The following PDE6C variants were observed in gnomAD, a reference collection of about 807,000 sequenced individuals.
PDE6C encodes cone cGMP-specific 3',5'-cyclic phosphodiesterase subunit alpha'.
A neutral mutation model predicts 113.1 loss-of-function variants in PDE6C; 75 were observed. That is an observed-to-expected ratio of 0.66 (90% CI 0.55 to 0.80). The LOEUF is 0.80. PDE6C is among the 30% of genes least tolerant of loss of function. PDE6C has a pLI of 0.00. For missense variants in PDE6C, 912 were observed against 1,038.6 expected, an observed-to-expected ratio of 0.88 and a Z score of 1.67; for synonymous variants, 375 against 363.7, an observed-to-expected ratio of 1.03 and a Z score of -0.35.
chr10:93,630,427 T>C (rs2058495669), intron 8 of PDE6C, among the ~76,000 whole-genome samples: 1 of 144,702 alleles, frequency 6.9e-6, no homozygotes, highest in Admixed American at 6.9e-5. Flanking sequence ...GCCACTCCCT[T>C]CTCTACCTGC....
At position 93,612,872 on chromosome 10, in the gene PDE6C, C is replaced by T; in HGVS notation, c.147C>T (p.Ser49=). ...AGGTGCCAGTCCAGTCCAGCATGTCCTTCTCTGAGCTGACCCAGGTGGAGG... is the reference window on the plus strand; with the variant it reads ...AGGTGCCAGTCCAGTCCAGCATGTCTTTCTCTGAGCTGACCCAGGTGGAGG... ...NSQVPVQSSM[S]FSELTQVEES... is the part of the protein sequence containing the mutation. Residue 49 remains serine, a synonymous_variant, in exon 1 of 22, where the codon TCC becomes TCT. Transcript: ENST00000371447. 2 of 1,614,124 alleles carry T rather than the reference C, an allele frequency of 1.2e-6. No homozygotes were observed. The highest frequency in any genetic ancestry group is 1.7e-6 in the Non-Finnish European group (2 of 1,180,040).
intron 8 of PDE6C, among the ~76,000 whole-genome samples, chr10:93,632,911 G>A (rs1193723344): frequency 6.6e-6 from 1 of 152,178 alleles, no homozygotes; most frequent in Admixed American, 6.5e-5. Flanking sequence ...TTAAATTGTG[G>A]TTCAGGCTAT....
intron 3 of PDE6C, among the ~76,000 whole-genome samples, chr10:93,621,491 G>C (rs1312424853): frequency 6.6e-6 from 1 of 152,220 alleles, no homozygotes; most frequent in African/African-American, 2.4e-5. Flanking sequence ...TAGAGGTTGA[G>C]AGGGAGGTCC....
At chr10:93,624,767 C>T (rs1309317117) in intron 4 of PDE6C, among the ~76,000 whole-genome samples, 1 of 152,162 alleles carries the variant, frequency 6.6e-6, no homozygotes, top group Non-Finnish European at 1.5e-5. Context: ...CAAGGTAGGG[C>T]AGCGCTAGTA....
chr10:93,622,550 TCAGA>T (rs2058451696), intron 4 of PDE6C, among the ~76,000 whole-genome samples: 1 of 151,940 alleles, frequency 6.6e-6, no homozygotes, highest in Non-Finnish European at 1.5e-5. Context: ...TACTACAGTA[TCAGA>T]CAGACTACTT....
At chr10:93,616,271 C>T (rs919999415) in intron 1 of PDE6C, among the ~76,000 whole-genome samples, 1 of 152,132 alleles carries the variant, frequency 6.6e-6, no homozygotes, top group African/African-American at 2.4e-5. Context: ...CTCTGGCTAG[C>T]AGTGTGGGCG....
rs969892464 is a variant in PDE6C, at chr10:93,625,505, A to G, written c.865-70A>G. ...ATTAACATAAAATATACAAACACAT[A>G]AAATTCATATAAGATATGGTAGGTC... On this transcript the variant is annotated intron_variant, in intron 4 of 21. Coordinates refer to ENST00000371447, the MANE Select transcript of PDE6C (RefSeq NM_006204.4). 2.9e-6 allele frequency: 3 copies of G among 1,044,612 alleles called. No individual in the cohort carries two copies. The African/African-American group carries it at 4.7e-5, about 16-fold the overall frequency. The allele number at this position is 1,044,612 out of a possible 1,614,324, so 64.7% of individuals were successfully genotyped here. A position where few individuals can be genotyped will look rare whatever the true frequency, so the allele number is the denominator to read the frequency against.
chr10:93,644,798 T>C (rs1222163910), intron 14 of PDE6C, among the ~76,000 whole-genome samples: 1 of 132,280 alleles, frequency 7.6e-6, no homozygotes, highest in Non-Finnish European at 1.7e-5. Flanking sequence ...ATATATATAG[T>C]ATATATATAG....
At chr10:93,617,837 G>C (rs1022652251) in intron 1 of PDE6C, among the ~76,000 whole-genome samples, 1 of 152,148 alleles carries the variant, frequency 6.6e-6, no homozygotes, top group African/African-American at 2.4e-5. Context: ...CTGGTATTTC[G>C]ATGATTCCTT....
intron 4 of PDE6C, 31 bp downstream of exon 4, chr10:93,622,103 C>T (rs2058449581): frequency 6.2e-7 from 1 of 1,604,354 alleles, no homozygotes; most frequent in Non-Finnish European, 8.5e-7. Flanking sequence ...TTTGTCTCAT[C>T]TCACATCGCC....
intron 8 of PDE6C, among the ~76,000 whole-genome samples, chr10:93,634,171 C>A (rs583830): frequency 6.6e-6 from 1 of 151,724 alleles, no homozygotes; most frequent in African/African-American, 2.4e-5. Flanking sequence ...TACAGGTGCC[C>A]ACCATCACGC....
chr10:93,637,230 T>C (rs2058537883), intron 11 of PDE6C, among the ~76,000 whole-genome samples, 167 bp downstream of exon 11: 1 of 152,234 alleles, frequency 6.6e-6, no homozygotes, highest in African/African-American at 2.4e-5. Flanking sequence ...ATCTTTTGAT[T>C]CCCTGCTTTT....
chr10:93,621,964 A>C lies in PDE6C; in HGVS notation c.756A>C (p.Glu252Asp). The C allele has an allele frequency of 6.2e-7, 1 of 1,614,098 alleles. No homozygotes were observed. The highest frequency in any genetic ancestry group is 8.5e-7 in the Non-Finnish European group (1 of 1,180,008). The change falls in exon 4 of 22, where the codon GAA becomes GAC. Residue 252 changes from glutamate to aspartate, a missense_variant. Physicochemically the swap from Glu to Asp is conservative, Grantham distance 45. Coordinates refer to ENST00000371447, the MANE Select transcript of PDE6C (RefSeq NM_006204.4). ...TGTGGTCAGCCAATAAAGTATTTGAAGAACTCACAGATGTTGAGCGACAGT... is the reference window on the plus strand; with the variant it reads ...TGTGGTCAGCCAATAAAGTATTTGACGAACTCACAGATGTTGAGCGACAGT... The part of the protein sequence containing the change: ...ILMWSANKVF[E>D]ELTDVERQFH...
chr10:93,619,968 C>T (rs527480502), intron 1 of PDE6C, among the ~76,000 whole-genome samples: 1 of 152,208 alleles, frequency 6.6e-6, no homozygotes, highest in African/African-American at 2.4e-5. Flanking sequence ...GGTGAGTTCA[C>T]ATCCATATGC....
chr10:93,634,206 A>T (rs1422983598), intron 8 of PDE6C, among the ~76,000 whole-genome samples: 1 of 152,076 alleles, frequency 6.6e-6, no homozygotes, highest in Non-Finnish European at 1.5e-5. Flanking sequence ...TATTTTTAGT[A>T]GAGATGGGGT....
In PDE6C at chr10:93,622,068, A is replaced by G; in HGVS notation, c.860A>G (p.Glu287Gly). Residue 287 changes from glutamate to glycine, a missense_variant, in exon 4 of 22, where the codon GAG becomes GGG. By Grantham distance (98) the Glu-to-Gly change is moderately conservative (BLOSUM62 -2). Coordinates refer to ENST00000371447, the MANE Select transcript of PDE6C (RefSeq NM_006204.4). ...ATTGGACTGCTGGACATGACCAAGG[A>G]GAAGGTTCTTATTATTCTACACATT... ...YSIGLLDMTK[E>G]KEFYDEWPIK... is the part of the protein sequence containing the mutation. 3.7e-6 allele frequency: 6 copies of G among 1,613,900 alleles called. No homozygotes were observed. Among genetic ancestry groups the G allele is most frequent in the South Asian group, 1.1e-5 (1 of 91,074 alleles).
chr10:93,634,493 A>G (rs1353297927), intron 8 of PDE6C, among the ~76,000 whole-genome samples: 1 of 152,206 alleles, frequency 6.6e-6, no homozygotes, highest in Non-Finnish European at 1.5e-5. Flanking sequence ...ATATATGTGC[A>G]AAAGTAACTG....
At chr10:93,624,357 C>T (rs2058462171) in intron 4 of PDE6C, among the ~76,000 whole-genome samples, 1 of 152,110 alleles carries the variant, frequency 6.6e-6, no homozygotes, top group African/African-American at 2.4e-5. Context: ...AAGCGATTCT[C>T]ATGCCTCAGT....
At chr10:93,658,795 A>G in intron 16 of PDE6C, 106 bp from the exon 17 acceptor site, 4 of 734,468 alleles carry the variant, frequency 5.4e-6, no homozygotes, top group Non-Finnish European at 9.7e-6. Context: ...CTATGTGGAC[A>G]TCACAATGCA....
Sources: gnomAD v4.1 joint callset for allele counts (sites outside exome capture counted in the v4.1 genomes callset) on GRCh38, gnomAD v4.1.1 for gene constraint, MANE v1.5 for transcripts, NCBI Gene and HGNC (gene_info 2026-07-23, HGNC 2026-07-21) for gene names.